Variants in PLAUR observed in about 807,000 individuals in gnomAD.
The protein encoded by PLAUR is plasminogen activator, urokinase receptor.
A neutral mutation model predicts 33.4 loss-of-function variants in PLAUR; 22 were observed. The ratio of observed to expected loss-of-function variants is 0.66; its 90% confidence interval spans 0.47 to 0.94. PLAUR has a LOEUF of 0.94. Among genes scored for constraint, PLAUR ranks in the 40% least tolerant of loss-of-function variants. The pLI is 0.00. For synonymous variants in PLAUR, 148 were observed against 167.3 expected, an observed-to-expected ratio of 0.88 and a Z score of 0.89; for missense variants, 408 against 434.7, an observed-to-expected ratio of 0.94 and a Z score of 0.55.
At chr19:43,657,346 C>G (rs4251871) in intron 3 of PLAUR, among the ~76,000 whole-genome samples, 10,209 of 152,196 alleles carry the variant, frequency 0.067, 421 homozygotes, top group Middle Eastern at 0.19. Flanking sequence ...CCAAGATCCT[C>G]AGCATGGGAT....
downstream of PLAUR, among the ~76,000 whole-genome samples, chr19:43,647,639 T>A (rs1249326513): frequency 6.6e-6 from 1 of 152,082 alleles, no homozygotes; most frequent in Non-Finnish European, 1.5e-5. Flanking sequence ...AAACCCTGTC[T>A]CTACTAAAAA....
chr19:43,652,807 T>C (rs947355693), intron 5 of PLAUR, among the ~76,000 whole-genome samples: 4 of 152,002 alleles, frequency 2.6e-5, no homozygotes, highest in African/African-American at 7.2e-5. Flanking sequence ...TGCACCACCA[T>C]GCCTAGCCAA....
intron 2 of PLAUR, 67 bp downstream of exon 2, chr19:43,667,514 G>T: frequency 9.2e-7 from 1 of 1,082,946 alleles, no homozygotes; most frequent in Non-Finnish European, 1.4e-6. Flanking sequence ...TACTGGTGAG[G>T]AAGGTTTCTC....
intron 4 of PLAUR, among the ~76,000 whole-genome samples, chr19:43,656,195 G>A (rs1303245224): frequency 1.3e-5 from 2 of 151,494 alleles, no homozygotes; most frequent in Admixed American, 1.3e-4. Flanking sequence ...GGAGGTTGCA[G>A]CCAGCCAAGA....
intron 2 of PLAUR, among the ~76,000 whole-genome samples, chr19:43,666,148 G>A (rs1967233583): frequency 6.6e-6 from 1 of 151,956 alleles, no homozygotes; most frequent in South Asian, 2.1e-4. Context: ...CCACAACCTC[G>A]AACTTCTGGG....
chr19:43,656,686 C>A, intron 3 of PLAUR, 46 bp from the exon 4 acceptor site: 1 of 1,488,596 alleles, frequency 6.7e-7, no homozygotes, highest in Non-Finnish European at 9.1e-7. Flanking sequence ...GGGGACAGTC[C>A]TGGAGCCCCA....
intron 3 of PLAUR, among the ~76,000 whole-genome samples, chr19:43,662,184 G>C (rs1317069270): frequency 1.3e-5 from 2 of 151,926 alleles, no homozygotes; most frequent in Non-Finnish European, 2.9e-5. Flanking sequence ...TCTGTCCTGA[G>C]GTCAGAATAA....
chr19:43,653,006 T>G (rs1974060954), intron 5 of PLAUR, among the ~76,000 whole-genome samples: 1 of 151,612 alleles, frequency 6.6e-6, no homozygotes, highest in African/African-American at 2.4e-5. Context: ...TGAGACGGAG[T>G]CTTGCTATGT....
chr19:43,665,280 C>G, intron 3 of PLAUR, 36 bp downstream of exon 3: 3 of 1,608,402 alleles, frequency 1.9e-6, no homozygotes, highest in Non-Finnish European at 2.6e-6. Flanking sequence ...CTGGGGATGG[C>G]TTGGGGTTGG....
rs1974029009 is a variant in PLAUR, at chr19:43,652,308, G to A, written c.671C>T (p.Thr224Ile). Residue 224 changes from threonine to isoleucine, a missense_variant, in exon 6 of 7, where the codon ACC becomes ATC. Physicochemically the swap from Thr to Ile is moderately conservative, Grantham distance 89. Transcript: ENST00000340093. ...RQCYSCKGNS[T>I]HGCSSEETFL... ...AGTCTCTTCAGAGGAGCATCCATGG[G>A]TGCTGTTCCCCTTGCAGCTGTAACA... The A allele has an allele frequency of 6.2e-7, 1 of 1,613,618 alleles. No homozygotes were observed. The highest frequency in any genetic ancestry group is 8.5e-7 in the Non-Finnish European group (1 of 1,179,530).
chr19:43,662,859 C>T (rs944424942), intron 3 of PLAUR, among the ~76,000 whole-genome samples: 1 of 152,196 alleles, frequency 6.6e-6, no homozygotes, highest in African/African-American at 2.4e-5. Flanking sequence ...GGATCACAGG[C>T]ATGTACCATC....
intron 1 of PLAUR, chr19:43,668,374 A>T: frequency 1.1e-6 from 1 of 915,610 alleles, no homozygotes; most frequent in Non-Finnish European, 1.3e-6. Context: ...CCCGCCCTTT[A>T]GCTCTTCCTG....
In PLAUR at chr19:43,648,995, C is replaced by T; in HGVS notation, c.903G>A (p.Gln301=). The T allele has an allele frequency of 6.2e-7, 1 of 1,614,164 alleles. No individual in the cohort carries two copies. Among genetic ancestry groups the T allele is most frequent in the South Asian group, 1.1e-5 (1 of 91,086 alleles). ...GCTGAGGAGCAGCCCCACTGCGGTA[C>T]TGGACATCCAGGTCTGGGTGGTTAC... The part of the protein sequence containing the change: ...SGCNHPDLDV[Q]YRSGAAPQPG... The change falls in exon 7 of 7, where the codon CAG becomes CAA. Residue 301 remains glutamine, a synonymous_variant. Transcript: ENST00000340093.
intron 2 of PLAUR, among the ~76,000 whole-genome samples, chr19:43,666,410 TCTG>T (rs1239308678): frequency 6.6e-6 from 1 of 152,162 alleles, no homozygotes; most frequent in East Asian, 1.9e-4. Context: ...GTGTTTCTCT[TCTG>T]CTGCTGACTT....
In PLAUR at chr19:43,656,478, C is replaced by T. The variant is rs1600125222; in HGVS notation, c.472+1G>A. ...GGAGTTGCCAGCAGGTTGGGGCTCA[C>T]CTTCTTCACCTTCCTGGATCCAGTG... On this transcript the variant is annotated splice_donor_variant, in intron 4 of 6. Coordinates refer to ENST00000340093, the MANE Select transcript of PLAUR (RefSeq NM_002659.4). LOFTEE classifies it high-confidence loss of function. 3 of 1,580,770 alleles carry T rather than the reference C, an allele frequency of 1.9e-6. No individual in the cohort carries two copies. The highest frequency in any genetic ancestry group is 1.7e-6 in the Non-Finnish European group (2 of 1,159,604).
intron 3 of PLAUR, among the ~76,000 whole-genome samples, chr19:43,661,763 T>C (rs769857206): frequency 2.6e-5 from 4 of 152,190 alleles, no homozygotes; most frequent in Non-Finnish European, 5.9e-5. Context: ...GTCCAGCATT[T>C]GCAACTGTCA....
At chr19:43,657,880 A>G (rs1974277176) in intron 3 of PLAUR, among the ~76,000 whole-genome samples, 1 of 152,118 alleles carries the variant, frequency 6.6e-6, no homozygotes, top group Non-Finnish European at 1.5e-5. Context: ...GCCCCCAATA[A>G]TCTCTGCTCC....
chr19:43,667,671 T>G lies in PLAUR; in HGVS notation c.76A>C (p.Met26Leu), dbSNP rs762840398. Residue 26 changes from methionine (M) to leucine (L), a missense_variant, in exon 2 of 7, where the codon ATG becomes CTG. Physicochemically the swap from Met to Leu is conservative, Grantham distance 15. Transcript: ENST00000340093. ...CVPASWGLRC[M>L]QCKTNGDCRV... ...CAATCCCCGTTGGTCTTACACTGCA[T>G]GCACCGCAGGCCCCAAGAGGCTGGG... The G allele has an allele frequency of 6.2e-7, 1 of 1,613,914 alleles. No individual in the cohort carries two copies. The highest frequency in any genetic ancestry group is 8.5e-7 in the Non-Finnish European group (1 of 1,179,966).
rs4251814 is a variant in PLAUR at position 43,667,563 on chromosome 19, G to A, written c.166+18C>T. ...CCATGCTGCGCTGGAGGGGTGTGTG[G>A]GTTGGGGGGAAGCTCACCTTCCCAC... On this transcript the variant is annotated intron_variant, in intron 2 of 6. Transcript: ENST00000340093. The A allele has an allele frequency of 1.3e-6, 2 of 1,560,934 alleles. No individual in the cohort carries two copies. The highest frequency in any genetic ancestry group is 2.7e-5 in the African/African-American group (2 of 73,864).
Sources: gnomAD v4.1 joint callset for allele counts (sites outside exome capture counted in the v4.1 genomes callset) on GRCh38, gnomAD v4.1.1 for gene constraint, MANE v1.5 for transcripts, NCBI Gene and HGNC (gene_info 2026-07-23, HGNC 2026-07-21) for gene names.